Variants in GYS2 observed in about 807,000 individuals in gnomAD.
The protein encoded by GYS2 is glycogen synthase 2.
Under a neutral mutation model 85.6 loss-of-function variants are expected in GYS2, and 80 were observed. That is an observed-to-expected ratio of 0.93 (90% CI 0.78 to 1.13). The LOEUF (loss-of-function observed/expected upper bound fraction) is 1.13, where lower values mean the gene tolerates loss of function less well. Ranked by LOEUF, GYS2 falls within the 50% of genes most tolerant of loss-of-function variation. GYS2 has a pLI of 0.00. For missense variants in GYS2, 881 were observed against 854.9 expected (o/e 1.03, Z -0.38); for synonymous variants, 328 against 300.7 (o/e 1.09, Z -0.94).
rs537780479 is a variant in GYS2, at chr12:21,550,920, C to T, written c.1423-4450G>A. On this transcript the variant is annotated intron_variant, in intron 11 of 15. Transcript: ENST00000261195. ...TCGTGCCACTGCACTCCAGCCTGGG[C>T]GACAGAGCGAGACTCCATTTCAAAA... 2.3e-3 allele frequency among the ~76,000 whole-genome samples: 349 copies of T among 151,964 alleles called. 4 individuals carry two copies. The highest frequency in any genetic ancestry group is 8.0e-3 in the African/African-American group (331 of 41,436).
intron 1 of GYS2, among the ~76,000 whole-genome samples, chr12:21,592,615 A>G (rs1944652067): frequency 1.3e-5 from 2 of 152,092 alleles, no homozygotes; most frequent in Admixed American, 6.5e-5. Flanking sequence ...CACACTCAAC[A>G]CCAGAGCATC....
chr12:21,581,875 A>G (rs1033494583), intron 1 of GYS2, among the ~76,000 whole-genome samples: 2 of 152,216 alleles, frequency 1.3e-5, no homozygotes, highest in Non-Finnish European at 2.9e-5. Flanking sequence ...TGGGGGTAAA[A>G]TAATATTTAG....
chr12:21,566,969 T>C (rs1199751589), intron 5 of GYS2, among the ~76,000 whole-genome samples: 1 of 151,778 alleles, frequency 6.6e-6, no homozygotes, highest in Non-Finnish European at 1.5e-5. Context: ...TAAAAGAAAG[T>C]AGAAAAATGA....
At position 21,536,883 on chromosome 12, in the gene GYS2, G is replaced by A. The variant is rs1943916016; in HGVS notation, c.*71C>T. Reference sequence around the variant, plus strand: ...TTAGAAGGAGAAAATGAAATTTGTGGCATTTTTATTTTAAATAATTAGTCT... The same window carrying A: ...TTAGAAGGAGAAAATGAAATTTGTGACATTTTTATTTTAAATAATTAGTCT... On this transcript the variant is annotated 3_prime_UTR_variant, in exon 16 of 16. Coordinates refer to ENST00000261195, the MANE Select transcript of GYS2 (RefSeq NM_021957.4). 4 of 1,041,336 alleles carry A rather than the reference G, an allele frequency of 3.8e-6. No homozygotes were observed. The highest frequency in any genetic ancestry group is 3.2e-5 in the African/African-American group (2 of 63,164). 64.5% of individuals were successfully genotyped at this position (1,041,336 alleles called of 1,614,324 possible). A position where few individuals can be genotyped will look rare whatever the true frequency, so the allele number is the denominator to read the frequency against.
intron 4 of GYS2, 42 bp downstream of exon 4, chr12:21,574,102 G>C: frequency 6.8e-7 from 1 of 1,462,592 alleles, no homozygotes. Flanking sequence ...TCAGCAATCT[G>C]AAAGAAGGGT....
At chr12:21,560,890 C>A (rs1026917100) in intron 7 of GYS2, among the ~76,000 whole-genome samples, 2 of 152,042 alleles carry the variant, frequency 1.3e-5, no homozygotes, top group African/African-American at 4.8e-5. Context: ...AAAATTAGTT[C>A]TTTAAAATTT....
In GYS2 at chr12:21,568,910, C is replaced by A. The variant is rs777976148; in HGVS notation, c.778G>T (p.Glu260Ter). 6.2e-7 allele frequency: 1 copy of A among 1,613,666 alleles called. No individual in the cohort carries two copies. Among genetic ancestry groups the A allele is most frequent in the South Asian group, 1.1e-5 (1 of 91,078 alleles). ...TGTTCAGCTTCTATTGCTGTTATTT[C>A]AGAAACCGTGGTGAACACGTGAGCG... ...HCAHVFTTVSEITAIEAEHML... is the reference protein window; with the variant it reads ...HCAHVFTTVS The change falls in exon 5 of 16, where the codon GAA becomes TAA. Residue 260 changes from glutamate to a stop codon, truncating the protein, a stop_gained. Coordinates refer to ENST00000261195, the MANE Select transcript of GYS2 (RefSeq NM_021957.4). LOFTEE classifies it high-confidence loss of function.
chr12:21,572,226 T>C (rs1288793416), intron 4 of GYS2, among the ~76,000 whole-genome samples: 1 of 152,188 alleles, frequency 6.6e-6, no homozygotes, highest in Non-Finnish European at 1.5e-5. Flanking sequence ...GTTTTTGTAA[T>C]TGGCTACTAA....
At chr12:21,586,335 C>A (rs1046284642) in intron 1 of GYS2, among the ~76,000 whole-genome samples, 3 of 152,116 alleles carry the variant, frequency 2.0e-5, no homozygotes, top group Admixed American at 2.0e-4. Flanking sequence ...TTCCTTGCTC[C>A]TCTGCTTGCA....
At chr12:21,575,780 C>T (rs1944438060) in intron 3 of GYS2, 86 bp downstream of exon 3, 1 of 1,011,844 alleles carries the variant, frequency 9.9e-7, no homozygotes, top group East Asian at 2.4e-5. Context: ...TCAAAATCTG[C>T]CTCATTTAAA....
intron 1 of GYS2, among the ~76,000 whole-genome samples, chr12:21,599,573 G>T (rs1442002672): frequency 1.3e-5 from 2 of 152,150 alleles, no homozygotes; most frequent in Admixed American, 6.6e-5. Context: ...TTGAAGCTGT[G>T]CAACCAAGCA....
intron 1 of GYS2, among the ~76,000 whole-genome samples, chr12:21,581,189 G>A (rs1395566470): frequency 6.6e-6 from 1 of 152,068 alleles, no homozygotes; most frequent in African/African-American, 2.4e-5. Flanking sequence ...AGTAAGGGAG[G>A]AGACCACCCT....
chr12:21,597,847 T>C (rs1944713446), intron 1 of GYS2, among the ~76,000 whole-genome samples: 1 of 152,116 alleles, frequency 6.6e-6, no homozygotes, highest in East Asian at 1.9e-4. Flanking sequence ...ATACACACAA[T>C]TGAATATTAT....
chr12:21,595,717 A>T (rs1944687932), intron 1 of GYS2, among the ~76,000 whole-genome samples: 1 of 152,232 alleles, frequency 6.6e-6, no homozygotes, highest in East Asian at 1.9e-4. Flanking sequence ...ATATAATGGT[A>T]AAAGGCCTTG....
At chr12:21,551,380 A>C (rs1483809529) in intron 11 of GYS2, among the ~76,000 whole-genome samples, 2 of 152,084 alleles carry the variant, frequency 1.3e-5, no homozygotes, top group Non-Finnish European at 1.5e-5. Context: ...ATATACTATA[A>C]ATATACATAT....
chr12:21,565,254 G>C (rs775835774), intron 5 of GYS2, among the ~76,000 whole-genome samples: 80 of 151,230 alleles, frequency 5.3e-4, no homozygotes, highest in Non-Finnish European at 8.7e-4. Flanking sequence ...AAAAGAGAGA[G>C]AGAGATAGAT....
At chr12:21,556,317 T>C (rs1944178679) in intron 11 of GYS2, among the ~76,000 whole-genome samples, 1 of 152,136 alleles carries the variant, frequency 6.6e-6, no homozygotes, top group Admixed American at 6.5e-5. Flanking sequence ...TACAGGCGTG[T>C]ACCACCACAC....
rs148927656 is a variant in GYS2 at position 21,567,729 on chromosome 12, C to T, written c.823+1136G>A. Among the ~76,000 whole-genome samples, 478 of 151,890 alleles carry T rather than the reference C, an allele frequency of 3.1e-3. 3 individuals are homozygous for T. Among genetic ancestry groups the T allele is most frequent in the Middle Eastern group, 0.024 (7 of 294 alleles). On this transcript the variant is annotated intron_variant, in intron 5 of 15. Coordinates refer to ENST00000261195, the MANE Select transcript of GYS2 (RefSeq NM_021957.4). ...AACAAGGAATTTATTAATAGGATGC[C>T]GGAGTGTCTCATGGCAAATATTTAG...
intron 12 of GYS2, among the ~76,000 whole-genome samples, chr12:21,544,217 G>A (rs954467683): frequency 6.6e-6 from 1 of 152,136 alleles, no homozygotes; most frequent in Non-Finnish European, 1.5e-5. Flanking sequence ...GTAACTATAG[G>A]TTAGGGGAAG....
Sources: allele counts gnomAD v4.1 joint callset (sites outside exome capture counted in the v4.1 genomes callset), GRCh38; gene constraint gnomAD v4.1.1; transcripts MANE v1.5; gene names NCBI Gene and HGNC (gene_info 2026-07-23, HGNC 2026-07-21).